ELMO1: variants seen among roughly 807,000 people sequenced by gnomAD.
The protein encoded by ELMO1 is engulfment and cell motility protein 1.
In ELMO1, 26 loss-of-function variants were observed where a neutral mutation model predicts 98.9. The observed-to-expected ratio is 0.26, with a 90% confidence interval of 0.19 to 0.36. The LOEUF (loss-of-function observed/expected upper bound fraction) is 0.36, where lower values mean the gene tolerates loss of function less well. Among genes scored for constraint, ELMO1 ranks in the 10% least tolerant of loss-of-function variants. The pLI, the probability that ELMO1 is intolerant of heterozygous loss-of-function variation, is 1.00. For missense variants in ELMO1, 627 were observed against 935.2 expected (o/e 0.67, Z 4.30); for synonymous variants, 346 against 346.0 (o/e 1.00, Z 0.00).
intron 1 of ELMO1, among the ~76,000 whole-genome samples, chr7:37,355,326 C>T (rs904389144): frequency 1.3e-5 from 2 of 152,132 alleles, no homozygotes; most frequent in African/African-American, 4.8e-5. Flanking sequence ...AGAGTAGTGC[C>T]TGACCTGGGA....
intron 15 of ELMO1, among the ~76,000 whole-genome samples, chr7:37,053,452 A>G (rs749884624): frequency 1.4e-4 from 21 of 152,150 alleles, no homozygotes; most frequent in Non-Finnish European, 2.8e-4. Flanking sequence ...ATGATTATTG[A>G]AATACTTGAA....
chr7:37,382,132 A>G (rs1406969709), intron 1 of ELMO1, among the ~76,000 whole-genome samples: 1 of 152,188 alleles, frequency 6.6e-6, no homozygotes, highest in African/African-American at 2.4e-5. Context: ...CAATCTCAGA[A>G]ACACTTGCCT....
chr7:37,376,526 G>A (rs918249449), intron 1 of ELMO1, among the ~76,000 whole-genome samples: 7 of 152,110 alleles, frequency 4.6e-5, no homozygotes, highest in Non-Finnish European at 8.8e-5. Context: ...CTGGTGAACC[G>A]ACTACCACCT....
intron 7 of ELMO1, among the ~76,000 whole-genome samples, chr7:37,237,321 A>T (rs112569672): frequency 0.054 from 8,245 of 152,090 alleles, 283 homozygotes; most frequent in Middle Eastern, 0.092. Flanking sequence ...ACAGAGTCTC[A>T]CTCTTTTGCC....
rs1002212243 is a variant in ELMO1, at chr7:36,870,206, A to T, written c.1905+187T>A. 2.0e-5 allele frequency among the ~76,000 whole-genome samples: 3 copies of T among 151,992 alleles called. No individual in the cohort carries two copies. Among genetic ancestry groups the T allele is most frequent in the Non-Finnish European group, 4.4e-5 (3 of 68,026 alleles). On this transcript the variant is annotated intron_variant, in intron 20 of 21. Transcript: ENST00000310758. The surrounding 1 kb of genome is among the most constrained non-coding windows in gnomAD (Gnocchi z 4.4). The stretch of plus-strand genomic sequence containing the variant: ...GATGGTGAGCATCAGAAAAGGGGTC[A>T]GAAAGAGAAAGAATAAGGGTAAGAG...
chr7:37,276,351 G>A (rs1796832136), intron 4 of ELMO1, among the ~76,000 whole-genome samples: 1 of 152,206 alleles, frequency 6.6e-6, no homozygotes, highest in African/African-American at 2.4e-5. Flanking sequence ...GCTCAAGCCT[G>A]TAATCCCAGC....
At chr7:37,010,093 G>A (rs1467525094) in intron 16 of ELMO1, among the ~76,000 whole-genome samples, 1 of 152,140 alleles carries the variant, frequency 6.6e-6, no homozygotes, top group African/African-American at 2.4e-5. Flanking sequence ...GGCTAGTGGA[G>A]GCGGAACAGG....
intron 6 of ELMO1, among the ~76,000 whole-genome samples, chr7:37,254,941 A>G (rs749748029): frequency 6.6e-6 from 1 of 152,240 alleles, no homozygotes; most frequent in Non-Finnish European, 1.5e-5. Flanking sequence ...TCTGAGGAAT[A>G]GTGAATCTTT....
intron 5 of ELMO1, among the ~76,000 whole-genome samples, chr7:37,260,784 C>T (rs745981983): frequency 4.6e-5 from 7 of 151,904 alleles, no homozygotes; most frequent in Admixed American, 2.0e-4. Context: ...GGGAGGAAAA[C>T]GAGAGCCCTC....
intron 15 of ELMO1, among the ~76,000 whole-genome samples, chr7:37,060,818 G>C (rs1340365811): frequency 6.6e-6 from 1 of 151,968 alleles, no homozygotes; most frequent in South Asian, 2.1e-4. Context: ...AAAAATTTGG[G>C]GTAATGTCCC....
intron 16 of ELMO1, among the ~76,000 whole-genome samples, chr7:36,917,988 CAG>C (rs1470415126): frequency 6.6e-6 from 1 of 152,092 alleles, no homozygotes; most frequent in South Asian, 2.1e-4. Flanking sequence ...GTCTATATTA[CAG>C]AGATTTATCA....
intron 4 of ELMO1, among the ~76,000 whole-genome samples, chr7:37,297,592 C>A (rs1488116509): frequency 2.0e-5 from 3 of 149,228 alleles, no homozygotes; most frequent in Admixed American, 6.7e-5. Context: ...TGAAGAATGG[C>A]CCCTTTAGCA....
intron 13 of ELMO1, among the ~76,000 whole-genome samples, chr7:37,170,615 CTT>C (rs543000463): frequency 5.8e-5 from 8 of 137,878 alleles, no homozygotes; most frequent in African/African-American, 8.0e-5. Flanking sequence ...TCCTTGCTTG[CTT>C]TTTTTTTTTT....
intron 16 of ELMO1, among the ~76,000 whole-genome samples, chr7:36,948,318 T>A (rs1364229172): frequency 6.6e-6 from 1 of 152,116 alleles, no homozygotes; most frequent in Non-Finnish European, 1.5e-5. Flanking sequence ...GTTGACATCA[T>A]CATGTGCAAA....
intron 16 of ELMO1, among the ~76,000 whole-genome samples, chr7:36,935,167 G>A (rs184549637): frequency 3.1e-4 from 47 of 152,234 alleles, no homozygotes; most frequent in Non-Finnish European, 4.7e-4. Context: ...CTGTTCTCGC[G>A]CCAGTGAATA....
intron 2 of ELMO1, among the ~76,000 whole-genome samples, chr7:37,321,685 C>G (rs1210477585): frequency 8.5e-6 from 1 of 118,024 alleles, no homozygotes; most frequent in Admixed American, 1.1e-4. Context: ...CCACTGCACT[C>G]TAGCCTGGGC....
At chr7:37,332,274 G>C (rs764286154) in intron 2 of ELMO1, among the ~76,000 whole-genome samples, 4 of 152,240 alleles carry the variant, frequency 2.6e-5, no homozygotes, top group South Asian at 4.1e-4. Flanking sequence ...CTTCACCATA[G>C]TCATTCCTGT....
chr7:37,410,466 T>C (rs764592069), intron 1 of ELMO1, among the ~76,000 whole-genome samples: 3 of 152,174 alleles, frequency 2.0e-5, no homozygotes, highest in Non-Finnish European at 4.4e-5. Flanking sequence ...CCCCATACTG[T>C]GAGCCACTAA....
At chr7:37,341,521 T>A (rs1286016053) in intron 2 of ELMO1, among the ~76,000 whole-genome samples, 2 of 152,160 alleles carry the variant, frequency 1.3e-5, no homozygotes, top group African/African-American at 4.8e-5. Flanking sequence ...AAAATGACAA[T>A]GATGTGTGGT....
Sources: allele counts gnomAD v4.1 joint callset (sites outside exome capture counted in the v4.1 genomes callset), GRCh38; gene constraint gnomAD v4.1.1; non-coding constraint Gnocchi (gnomAD v3.1); transcripts MANE v1.5; gene names NCBI Gene and HGNC (gene_info 2026-07-23, HGNC 2026-07-21).